Variants in NMBR observed in about 807,000 individuals in gnomAD.
The protein encoded by NMBR is neuromedin B receptor.
In NMBR, 16 loss-of-function variants were observed where a neutral mutation model predicts 20.5. The ratio of observed to expected loss-of-function variants is 0.78; its 90% CI spans 0.53 to 1.19. NMBR has a LOEUF of 1.19. NMBR is among the 50% of genes most tolerant of loss of function. The pLI is 0.00. For synonymous variants in NMBR, 212 were observed against 196.6 expected, an observed-to-expected ratio of 1.08 and a Z score of -0.65; for missense variants, 582 against 499.1, an observed-to-expected ratio of 1.17 and a Z score of -1.58.
At chr6:142,081,971 C>A (rs1321350975) in intron 2 of NMBR, among the ~76,000 whole-genome samples, 2 of 152,044 alleles carry the variant, frequency 1.3e-5, no homozygotes, top group Admixed American at 1.3e-4. Flanking sequence ...TTCATCAATT[C>A]TTATTTTGGA....
chr6:142,120,737 A>G (rs1225954327), intron 1 of NMBR, among the ~76,000 whole-genome samples: 2 of 151,914 alleles, frequency 1.3e-5, no homozygotes, highest in Non-Finnish European at 2.9e-5. Context: ...CTACCTTACA[A>G]ATACTTAAAT....
Position 142,102,389 on chromosome 6 carries a change from C to CAAA in NMBR, c.-663-13071_-663-13069dup, listed in dbSNP as rs534698007. Among the ~76,000 whole-genome samples, 4 of 76,450 alleles carry CAAA rather than the reference C, an allele frequency of 5.2e-5. No homozygotes were observed. The Admixed American group carries it at 6.3e-4, about 12-fold the overall frequency. 50.2% of individuals were successfully genotyped at this position (76,450 alleles called of 152,430 possible). On this transcript the variant is annotated intron_variant, in intron 1 of 3. Transcript: ENST00000258042. ...TGGGTGACAGAGCAACACTCTGTCTCAAAAAAAAAAAAAAAAAAAGTCTAC... is the reference window on the plus strand; with the variant it reads ...TGGGTGACAGAGCAACACTCTGTCTCAAAAAAAAAAAAAAAAAAAAAAGTCTAC...
intron 1 of NMBR, among the ~76,000 whole-genome samples, chr6:142,116,772 T>G (rs1777863055): frequency 6.6e-6 from 1 of 152,060 alleles, no homozygotes; most frequent in Admixed American, 6.6e-5. Context: ...TTTTGCCAAC[T>G]GATTTATTGG....
intron 3 of NMBR, among the ~76,000 whole-genome samples, chr6:142,078,255 T>C (rs936594030): frequency 2.6e-5 from 4 of 152,254 alleles, no homozygotes; most frequent in African/African-American, 4.8e-5. Flanking sequence ...TGGTTTATTA[T>C]GTTGTTTGTT....
intron 1 of NMBR, among the ~76,000 whole-genome samples, chr6:142,096,953 T>G: frequency 6.6e-6 from 1 of 152,088 alleles, no homozygotes; most frequent in East Asian, 1.9e-4. Context: ...TATTGATCTT[T>G]GTTGGTTTAA....
chr6:142,090,115 A>G (rs1033034970), intron 1 of NMBR, among the ~76,000 whole-genome samples: 1 of 152,206 alleles, frequency 6.6e-6, no homozygotes, highest in Non-Finnish European at 1.5e-5. Flanking sequence ...GTTGTCCCTA[A>G]GCACAAAACA....
rs538042840 is a variant in NMBR, at chr6:142,088,925, G to C, written c.-267C>G. 13 of 392,182 alleles carry C rather than the reference G, an allele frequency of 3.3e-5. No individual in the cohort carries two copies. In the South Asian group the frequency reaches 4.7e-4, roughly 14 times the overall value. 24.3% of individuals were successfully genotyped at this position (392,182 alleles called of 1,614,324 possible). ...ATTAAAAAAAAAAAAAAAGCAAAGC[G>C]GTTGCGTCTTTGTTCCGTATTCAGT... On this transcript the variant is annotated 5_prime_UTR_variant, in exon 2 of 4. Coordinates refer to ENST00000258042, the MANE Select transcript of NMBR (RefSeq NM_002511.4).
At chr6:142,109,469 G>A (rs1384234923) in intron 1 of NMBR, among the ~76,000 whole-genome samples, 4 of 149,884 alleles carry the variant, frequency 2.7e-5, no homozygotes, top group African/African-American at 9.8e-5. Context: ...TAAGACATTG[G>A]GTATGTCTTT....
intron 1 of NMBR, among the ~76,000 whole-genome samples, chr6:142,119,232 A>C (rs1332496624): frequency 6.6e-6 from 1 of 152,020 alleles, no homozygotes; most frequent in East Asian, 1.9e-4. Flanking sequence ...CACTGTCAGC[A>C]GCCAATATTC....
At chr6:142,079,162 GAGGAA>G (rs71021654) in intron 2 of NMBR, among the ~76,000 whole-genome samples, 71,123 of 137,954 alleles carry the variant, frequency 0.52, 18,096 homozygotes, top group East Asian at 0.76. Flanking sequence ...GAGGAGAGGA[GAGGAA>G]AGGAAAGGAA....
chr6:142,115,721 T>C (rs17071485), intron 1 of NMBR, among the ~76,000 whole-genome samples: 10,059 of 152,142 alleles, frequency 0.066, 493 homozygotes, highest in Admixed American at 0.15. Context: ...ATAGTTGTTT[T>C]TCGGTTCCTA....
At chr6:142,142,833 C>T (rs1778379780) in intron 1 of NMBR, among the ~76,000 whole-genome samples, 1 of 151,960 alleles carries the variant, frequency 6.6e-6, no homozygotes, top group Non-Finnish European at 1.5e-5. Context: ...GCCTGTAATC[C>T]CAGCACTTTT....
At position 142,078,601 on chromosome 6, in the gene NMBR, C is replaced by A. The variant is rs1014575743; in HGVS notation, c.725G>T (p.Ser242Ile). ...YYHIAKTLIK[S>I]AHNLPGEYNE... The stretch of plus-strand genomic sequence containing the variant: ...GTATTCTCCAGGAAGATTGTGTGCG[C>A]TTTTAATTAAGGTCTTTGCAATATG... The change falls in exon 3 of 4, where the codon AGC becomes ATC. Residue 242 changes from serine to isoleucine, a missense_variant. Transcript: ENST00000258042. 1 of 1,611,250 alleles carries A rather than the reference C, an allele frequency of 6.2e-7. No homozygotes were observed. The highest frequency in any genetic ancestry group is 8.5e-7 in the Non-Finnish European group (1 of 1,178,670).
chr6:142,109,639 C>G (rs1777724343), intron 1 of NMBR, among the ~76,000 whole-genome samples: 1 of 152,022 alleles, frequency 6.6e-6, no homozygotes, highest in Non-Finnish European at 1.5e-5. Context: ...ATCAAACTCA[C>G]AGTGAGTTAC....
intron 1 of NMBR, among the ~76,000 whole-genome samples, chr6:142,090,656 A>G (rs547527262): frequency 3.8e-4 from 57 of 151,288 alleles, no homozygotes; most frequent in African/African-American, 1.3e-3. Context: ...GAGAGCAAGG[A>G]AATTAATATT....
At chr6:142,086,550 T>A (rs1305883210) in intron 2 of NMBR, among the ~76,000 whole-genome samples, 1 of 152,168 alleles carries the variant, frequency 6.6e-6, no homozygotes, top group Non-Finnish European at 1.5e-5. Context: ...TCAGGTTTCC[T>A]AGTTTATATT....
rs146997429 is a variant in NMBR, at chr6:142,102,326, C to G, written c.-663-13005G>C. ...AATGGCATGAACCCGGAAGGTGGAG[C>G]TTGCAAGGAGCCAAGATTGGGCCAC... On this transcript the variant is annotated intron_variant, in intron 1 of 3. Coordinates refer to ENST00000258042, the MANE Select transcript of NMBR (RefSeq NM_002511.4). 5.1e-3 allele frequency among the ~76,000 whole-genome samples: 757 copies of G among 148,764 alleles called. 6 individuals carry two copies. The highest frequency in any genetic ancestry group is 0.017 in the Middle Eastern group (5 of 294).
chr6:142,081,754 G>A (rs1444123445), intron 2 of NMBR, among the ~76,000 whole-genome samples: 2 of 152,134 alleles, frequency 1.3e-5, no homozygotes, highest in Non-Finnish European at 2.9e-5. Flanking sequence ...TAGACATGTG[G>A]GGAAAAGTAT....
chr6:142,089,815 T>G (rs1777288495), intron 1 of NMBR, among the ~76,000 whole-genome samples: 1 of 152,210 alleles, frequency 6.6e-6, no homozygotes, highest in Admixed American at 6.5e-5. Flanking sequence ...ACAATTTTAG[T>G]CAACCTGAGT....
Sources: allele counts gnomAD v4.1 joint callset (sites outside exome capture counted in the v4.1 genomes callset), GRCh38; gene constraint gnomAD v4.1.1; transcripts MANE v1.5; gene names NCBI Gene and HGNC (gene_info 2026-07-23, HGNC 2026-07-21).